SLC30A8: variants seen among roughly 807,000 people sequenced by gnomAD.
The protein encoded by SLC30A8 is solute carrier family 30 member 8.
Under a neutral mutation model 36.9 loss-of-function variants are expected in SLC30A8, and 27 were observed. The observed-to-expected ratio is 0.73, with a 90% confidence interval of 0.54 to 1.01. The LOEUF (loss-of-function observed/expected upper bound fraction) is 1.01. Among genes scored for constraint, SLC30A8 ranks in the 50% least tolerant of loss-of-function variants. SLC30A8 has a pLI of 0.00. For missense variants in SLC30A8, 439 were observed against 452.0 expected, an observed-to-expected ratio of 0.97 and a Z score of 0.26; for synonymous variants, 164 against 172.4, an observed-to-expected ratio of 0.95 and a Z score of 0.38.
chr8:117,154,828 C>T (rs1015913141), intron 3 of SLC30A8, among the ~76,000 whole-genome samples: 1 of 152,142 alleles, frequency 6.6e-6, no homozygotes, highest in African/African-American at 2.4e-5. Context: ...ATTTAGATCT[C>T]TGCTTGTACT....
intron 2 of SLC30A8, among the ~76,000 whole-genome samples, chr8:117,050,745 A>G (rs754965630): frequency 6.6e-6 from 1 of 152,176 alleles, no homozygotes; most frequent in East Asian, 1.9e-4. Flanking sequence ...GGAGCAAAAC[A>G]GTGATTTGAG....
chr8:116,981,410 A>AT (rs934712868), intron 1 of SLC30A8, among the ~76,000 whole-genome samples: 1 of 151,978 alleles, frequency 6.6e-6, no homozygotes, highest in Non-Finnish European at 1.5e-5. Context: ...AGTCCTACTT[A>AT]TTTTTTTTAA....
chr8:117,068,797 G>T lies in SLC30A8; in HGVS notation c.-226+29539G>T, dbSNP rs573391400. Among the ~76,000 whole-genome samples, 5 of 152,088 alleles carry T rather than the reference G, an allele frequency of 3.3e-5. No homozygotes were observed. In the East Asian group the frequency reaches 9.7e-4, roughly 29 times the overall value. On this transcript the variant is annotated intron_variant, in intron 2 of 10. Transcript: ENST00000427715. Reference sequence around the variant, plus strand: ...TCACTATGCTGGCCAGGCTGGTCTCGAACTCCTGACCTCAAGTGATCCGCT... The same window carrying T: ...TCACTATGCTGGCCAGGCTGGTCTCTAACTCCTGACCTCAAGTGATCCGCT...
In SLC30A8 at chr8:117,035,553, A is replaced by T. The variant is rs185834551; in HGVS notation, c.-265-3666A>T. Among the ~76,000 whole-genome samples the T allele has an allele frequency of 1.1e-3, 172 of 152,288 alleles. 2 individuals carry two copies. Among genetic ancestry groups the T allele is most frequent in the Non-Finnish European group, 6.6e-4 (45 of 68,022 alleles). ...GGTGCAGGGTGCAAGCTGTCAGTGG[A>T]TCTACCATTCTGGGATGTGGAGGAC... On this transcript the variant is annotated intron_variant, in intron 1 of 10. Transcript: ENST00000427715.
chr8:117,120,960 C>T (rs1820671972), intron 2 of SLC30A8, among the ~76,000 whole-genome samples: 1 of 151,598 alleles, frequency 6.6e-6, no homozygotes, highest in Admixed American at 6.6e-5. Context: ...TTAGGATGGC[C>T]ATCAAAAACA....
Position 117,147,052 on chromosome 8 carries a change from C to A in SLC30A8, c.170C>A (p.Ser57Tyr). The change falls in exon 2 of 8, where the codon TCC becomes TAC. Residue 57 changes from serine (S) to tyrosine (Y), a missense_variant. Physicochemically the swap from Ser to Tyr is moderately radical, Grantham distance 144. Transcript: ENST00000456015. The stretch of plus-strand genomic sequence containing the variant: ...GGCATGTACCACTGCCACAGTGGCT[C>A]CAAGCCCACAGAAAAGGGGGCGAAT... Reference protein sequence around the residue: ...SGGMYHCHSGSKPTEKGANEY... With the variant: ...SGGMYHCHSGYKPTEKGANEY... 6.2e-7 allele frequency: 1 copy of A among 1,614,094 alleles called. No individual in the cohort carries two copies. The highest frequency in any genetic ancestry group is 8.5e-7 in the Non-Finnish European group (1 of 1,180,000).
chr8:117,026,465 A>G (rs1158216029), intron 1 of SLC30A8, among the ~76,000 whole-genome samples: 1 of 152,208 alleles, frequency 6.6e-6, no homozygotes, highest in Non-Finnish European at 1.5e-5. Flanking sequence ...AAGAGTTTTT[A>G]GATCAATACT....
At chr8:117,006,772 A>ATTTTTTT (rs71305456) in intron 1 of SLC30A8, among the ~76,000 whole-genome samples, 1 of 78,922 alleles carries the variant, frequency 1.3e-5, no homozygotes, top group African/African-American at 4.7e-5. Context: ...GAGTCAGGTA[A>ATTTTTTT]TTTTTTTTTT....
intron 2 of SLC30A8, among the ~76,000 whole-genome samples, chr8:117,050,300 C>G (rs1239698559): frequency 6.6e-6 from 1 of 152,044 alleles, no homozygotes; most frequent in Admixed American, 6.5e-5. Flanking sequence ...GGTGGTGGCT[C>G]GCAGTCCTCT....
intron 1 of SLC30A8, among the ~76,000 whole-genome samples, chr8:117,014,174 G>A (rs1044794241): frequency 4.6e-5 from 7 of 152,184 alleles, no homozygotes; most frequent in African/African-American, 1.4e-4. Context: ...GAGGGGATCA[G>A]TAATGATTCT....
chr8:117,005,064 C>T lies in SLC30A8; in HGVS notation c.-265-34155C>T, dbSNP rs147298321. ...GGCAATTCAGTGGTTTTACTATTTA[C>T]ACAGAGTTGTGTAACCGTTACCACA... On this transcript the variant is annotated intron_variant, in intron 1 of 10. Coordinates refer to the SLC30A8 transcript ENST00000427715. 2.6e-5 allele frequency among the ~76,000 whole-genome samples: 4 copies of T among 152,256 alleles called. No homozygotes were observed. In the East Asian group the frequency reaches 5.8e-4, roughly 22 times the overall value.
At chr8:117,127,196 T>G (rs1450987350) in intron 2 of SLC30A8, among the ~76,000 whole-genome samples, 1 of 150,740 alleles carries the variant, frequency 6.6e-6, no homozygotes, top group Non-Finnish European at 1.5e-5. Context: ...TCCAAATTAT[T>G]TTTGAAACCT....
chr8:117,075,919 C>T (rs1818473349), intron 2 of SLC30A8, among the ~76,000 whole-genome samples: 1 of 152,154 alleles, frequency 6.6e-6, no homozygotes, highest in Non-Finnish European at 1.5e-5. Context: ...GCCTTTCGGA[C>T]TACTTGTAGT....
chr8:117,057,851 G>A (rs1366112191), intron 2 of SLC30A8, among the ~76,000 whole-genome samples: 2 of 152,262 alleles, frequency 1.3e-5, no homozygotes, highest in Admixed American at 6.5e-5. Context: ...TAGTAAACAC[G>A]GGAGTGCCGA....
intron 1 of SLC30A8, among the ~76,000 whole-genome samples, chr8:117,030,619 A>T (rs1458453679): frequency 6.6e-6 from 1 of 152,220 alleles, no homozygotes; most frequent in African/African-American, 2.4e-5. Flanking sequence ...TATTGAAGCC[A>T]TGTCAGAATT....
At chr8:117,167,876 T>A (rs1823143921) in intron 6 of SLC30A8, among the ~76,000 whole-genome samples, 2 of 152,150 alleles carry the variant, frequency 1.3e-5, no homozygotes, top group South Asian at 4.1e-4. Context: ...TACCTGAGAC[T>A]GGGTAATTAT....
chr8:117,172,765 G>T lies in SLC30A8; in HGVS notation c.*84G>T. 1.4e-6 allele frequency: 2 copies of T among 1,481,386 alleles called. No homozygotes were observed. The highest frequency in any genetic ancestry group is 3.9e-5 in the Admixed American group (2 of 51,130). The allele number at this position is 1,481,386 out of a possible 1,614,324, so 91.8% of individuals were successfully genotyped here. A position where few individuals can be genotyped will look rare whatever the true frequency, so the allele number is the denominator to read the frequency against. ...CAGTTTCTGCATCATAGAAAATAAG[G>T]AACCAAAGGAAGAAATTCATGTCAT... On this transcript the variant is annotated 3_prime_UTR_variant, in exon 8 of 8. Transcript: ENST00000456015.
chr8:116,950,295 T>C, upstream of SLC30A8: 1 of 165,026 alleles, frequency 6.1e-6, no homozygotes, highest in Non-Finnish European at 1.3e-5. Context: ...TGCTGTCACC[T>C]CTCAATAGGA....
chr8:117,155,522 T>C (rs1418859417), intron 3 of SLC30A8, among the ~76,000 whole-genome samples: 2 of 152,176 alleles, frequency 1.3e-5, no homozygotes, highest in African/African-American at 4.8e-5. Context: ...TATATTAGGT[T>C]CCTAGGGCTG....
Sources: allele counts gnomAD v4.1 joint callset (sites outside exome capture counted in the v4.1 genomes callset), GRCh38; gene constraint gnomAD v4.1.1; transcripts MANE v1.5; gene names NCBI Gene and HGNC (gene_info 2026-07-23, HGNC 2026-07-21).